Variants in NBPF12 observed in about 807,000 individuals in gnomAD.
The protein encoded by NBPF12 is NBPF family member NBPF12.
In NBPF12, 115 loss-of-function variants were observed where a neutral mutation model predicts 146.4. The ratio of observed to expected loss-of-function variants is 0.79; its 90% CI spans 0.68 to 0.92. NBPF12 has a LOEUF of 0.92. Among genes scored for constraint, NBPF12 ranks in the 40% least tolerant of loss-of-function variants. The pLI is 0.00. For synonymous variants in NBPF12, 385 were observed against 508.9 expected (o/e 0.76, Z 3.28); for missense variants, 1,205 against 1,326.8 (o/e 0.91, Z 1.43).
intron 13 of NBPF12, among the ~76,000 whole-genome samples, chr1:146,972,169 T>G (rs1423824434): frequency 1.3e-5 from 2 of 149,984 alleles, no homozygotes; most frequent in African/African-American, 2.5e-5. Flanking sequence ...CGGAGGTAGG[T>G]GGAACACCTG....
chr1:146,994,561 A>G (rs782432977), exon 34 of NBPF12: 1 of 1,609,462 alleles, frequency 6.2e-7, no homozygotes, highest in East Asian at 2.2e-5. Context: ...GATGGGAGTC[A>G]TATTCCCACA....
intron 1 of NBPF12, among the ~76,000 whole-genome samples, chr1:146,939,741 T>G (rs1398783082): frequency 7.2e-5 from 11 of 152,030 alleles, no homozygotes; most frequent in African/African-American, 2.4e-4. Flanking sequence ...AGAAGCACTT[T>G]AAGAGGCCGA....
At chr1:146,939,693 C>G (rs1198928774) in intron 1 of NBPF12, among the ~76,000 whole-genome samples, 2 of 151,952 alleles carry the variant, frequency 1.3e-5, no homozygotes, top group African/African-American at 4.8e-5. Flanking sequence ...GGTTTCCTCG[C>G]TTTCTTCCTA....
chr1:146,972,237 A>G (rs1284421779), intron 13 of NBPF12, among the ~76,000 whole-genome samples: 3 of 151,038 alleles, frequency 2.0e-5, no homozygotes, highest in Non-Finnish European at 4.4e-5. Context: ...TCTACTAAAA[A>G]TACAAAAATT....
Position 146,955,664 on chromosome 1 carries a change from ACTAAGT to A in NBPF12, c.-184+4178_-184+4183del, listed in dbSNP as rs1408056664. On this transcript the variant is annotated intron_variant, in intron 2 of 33. Coordinates refer to ENST00000617844, the Ensembl canonical transcript of NBPF12. ...AGTGATTAACTTCTTTTAATCTATA[ACTAAGT>A]CTGAGTCCTAAAGACCTTCCTCTGG... Among the ~76,000 whole-genome samples the A allele has an allele frequency of 2.7e-3, 404 of 148,652 alleles. 14 individuals are homozygous for A. The highest frequency in any genetic ancestry group is 5.8e-4 in the East Asian group (3 of 5,156).
chr1:146,984,890 C>A lies in NBPF12; in HGVS notation c.2744C>A (p.Ser915Ter), dbSNP rs1383558094. ...CTGGATAGATGTTATTCAACTCCTTCAGTTTATCTTGGACTGACTGACTCA... is the reference window on the plus strand; with the variant it reads ...CTGGATAGATGTTATTCAACTCCTTAAGTTTATCTTGGACTGACTGACTCA... Residue 915 changes from serine (S) to a stop codon, truncating the protein, a stop_gained, in exon 22 of 34, where the codon TCA (serine) becomes TAA (stop). Transcript: ENST00000617844. LOFTEE classifies it high-confidence loss of function. The A allele has an allele frequency of 1.9e-6, 3 of 1,594,566 alleles. No homozygotes were observed. The highest frequency in any genetic ancestry group is 2.6e-6 in the Non-Finnish European group (3 of 1,165,268).
At chr1:146,978,090 C>G (rs1182800009) in intron 18 of NBPF12, among the ~76,000 whole-genome samples, 2 of 151,598 alleles carry the variant, frequency 1.3e-5, no homozygotes, top group African/African-American at 4.8e-5. Context: ...TCTCAGCTTT[C>G]ATCTGGATCT....
At position 146,974,876 on chromosome 1, in the gene NBPF12, G is replaced by A. The variant is rs1553887138; in HGVS notation, c.1904+35G>A. The A allele has an allele frequency of 1.1e-5, 13 of 1,225,626 alleles. 4 individuals carry two copies. Among genetic ancestry groups the A allele is most frequent in the Non-Finnish European group, 1.5e-5 (13 of 889,314 alleles). The allele number at this position is 1,225,626 out of a possible 1,614,324, so 75.9% of individuals were successfully genotyped here. On this transcript the variant is annotated intron_variant, in intron 15 of 33. Coordinates refer to ENST00000617844, the Ensembl canonical transcript of NBPF12. ...CCCCATGGGGGCAGACAGGGGGGCA[G>A]GTGTGTAAATCTCTGAAGTACAGTA...
chr1:146,982,852 G>A, intron 19 of NBPF12, 76 bp from the exon 23 acceptor site: 2 of 1,459,316 alleles, frequency 1.4e-6, no homozygotes, highest in Non-Finnish European at 1.9e-6. Context: ...TCTCCCATCA[G>A]ATCATCTGGG....
exon 34 of NBPF12, chr1:146,995,575 G>T (rs1225429513): frequency 6.6e-6 from 1 of 151,620 alleles, no homozygotes; most frequent in Non-Finnish European, 1.5e-5. Context: ...CTTGTTTATA[G>T]AGGACAGGTC....
In NBPF12 at chr1:146,980,637, G is replaced by A. The variant is rs1340789155; in HGVS notation, c.2450+1627G>A. Among the ~76,000 whole-genome samples the A allele has an allele frequency of 7.9e-5, 12 of 151,924 alleles. No homozygotes were observed. The East Asian group carries it at 2.3e-3, about 29-fold the overall frequency. ...TCTTTTCTTTAAGAATGTTGAAGGT[G>A]CTGGAGAGGATGTGGAGAAATCGAA... On this transcript the variant is annotated intron_variant, in intron 19 of 33. Transcript: ENST00000617844.
intron 18 of NBPF12, among the ~76,000 whole-genome samples, chr1:146,977,896 C>T (rs1389461216): frequency 6.6e-6 from 1 of 152,048 alleles, no homozygotes; most frequent in Non-Finnish European, 1.5e-5. Flanking sequence ...ATCTCATAGT[C>T]ACCTCAGTGC....
At chr1:146,981,289 AAAAAAATATATAT>A (rs1657364454) in intron 19 of NBPF12, among the ~76,000 whole-genome samples, 2 of 113,008 alleles carry the variant, frequency 1.8e-5, no homozygotes, top group African/African-American at 7.4e-5. Flanking sequence ...AAAAAAAAAA[AAAAAAATATATAT>A]ATATATATAT....
chr1:146,939,137 G>T (rs1358463338), intron 1 of NBPF12, among the ~76,000 whole-genome samples, 125 bp downstream of exon 1: 4 of 152,024 alleles, frequency 2.6e-5, no homozygotes, highest in Admixed American at 6.5e-5. Context: ...CTCCGCCGGG[G>T]CCTAAGTTCC....
rs1275430142 is a variant in NBPF12, at chr1:146,962,347, G to C, written c.278+84G>C. On this transcript the variant is annotated intron_variant, in intron 5 of 33. Coordinates refer to ENST00000617844, the Ensembl canonical transcript of NBPF12. The stretch of plus-strand genomic sequence containing the variant: ...CAGCTCGGCGGGGAGAAGTAAGAAC[G>C]AAGCTGGGCCAGGGAAAGGGCAGAA... 2.6e-6 allele frequency: 3 copies of C among 1,132,248 alleles called. No homozygotes were observed. In the African/African-American group the frequency reaches 4.6e-5, roughly 17 times the overall value. 70.1% of individuals were successfully genotyped at this position (1,132,248 alleles called of 1,614,324 possible). A position where few individuals can be genotyped will look rare whatever the true frequency, so the allele number is the denominator to read the frequency against.
intron 4 of NBPF12, among the ~76,000 whole-genome samples, chr1:146,961,333 G>A (rs1655837513): frequency 6.6e-6 from 1 of 151,078 alleles, no homozygotes; most frequent in African/African-American, 2.4e-5. Context: ...CTGTCTCCTG[G>A]GCTCCATCCA....
At chr1:146,964,692 C>T (rs1656079627) in intron 7 of NBPF12, among the ~76,000 whole-genome samples, 1 of 151,956 alleles carries the variant, frequency 6.6e-6, no homozygotes, top group African/African-American at 2.4e-5. Context: ...ACACCAGCTG[C>T]TCTCTTCCTC....
intron 21 of NBPF12, among the ~76,000 whole-genome samples, chr1:146,984,524 T>C (rs1553888346): frequency 6.7e-6 from 1 of 150,064 alleles, no homozygotes; most frequent in Admixed American, 6.6e-5. Flanking sequence ...AAATACAGAG[T>C]GTCCTTTGAC....
chr1:146,970,733 C>G lies in NBPF12; in HGVS notation c.1379+14C>G, dbSNP rs1470049270. Reference sequence around the variant, plus strand: ...ATCTTCCCCCAGGTGACACTGAATACTCAGGAGCAAGTAATGGGTGTTAAC... The same window carrying G: ...ATCTTCCCCCAGGTGACACTGAATAGTCAGGAGCAAGTAATGGGTGTTAAC... On this transcript the variant is annotated intron_variant, in intron 12 of 33. Transcript: ENST00000617844. 4.5e-6 allele frequency: 6 copies of G among 1,339,698 alleles called. No individual in the cohort carries two copies. The East Asian group carries it at 9.2e-5, about 20-fold the overall frequency. 83.0% of individuals were successfully genotyped at this position (1,339,698 alleles called of 1,614,324 possible). A position where few individuals can be genotyped will look rare whatever the true frequency, so the allele number is the denominator to read the frequency against.
Sources: gnomAD v4.1 joint callset for allele counts (sites outside exome capture counted in the v4.1 genomes callset) on GRCh38, gnomAD v4.1.1 for gene constraint, MANE v1.5 for transcripts, NCBI Gene and HGNC (gene_info 2026-07-23, HGNC 2026-07-21) for gene names.